KPNA1: variants seen among roughly 807,000 people sequenced by gnomAD.
KPNA1 encodes importin subunit alpha-5.
KPNA1 carries 10 observed loss-of-function variants against 70.5 expected under a neutral mutation model. That is an observed-to-expected ratio of 0.14 (90% CI 0.09 to 0.24). KPNA1 has a LOEUF of 0.24. KPNA1 is among the 10% of genes least tolerant of loss of function. The pLI, the probability that KPNA1 is intolerant of heterozygous loss-of-function variation, is 1.00. For missense variants in KPNA1, 397 were observed against 637.9 expected (o/e 0.62, Z 4.07); for synonymous variants, 192 against 221.9 (o/e 0.87, Z 1.20).
At chr3:122,512,503 C>T (rs1170492947) in intron 1 of KPNA1, among the ~76,000 whole-genome samples, 1 of 152,194 alleles carries the variant, frequency 6.6e-6, no homozygotes, top group Non-Finnish European at 1.5e-5. Flanking sequence ...GGGCGGATTG[C>T]GTGAGCTCAG....
intron 1 of KPNA1, among the ~76,000 whole-genome samples, chr3:122,497,752 C>T (rs185875628): frequency 6.6e-6 from 1 of 152,220 alleles, no homozygotes; most frequent in African/African-American, 2.4e-5. Flanking sequence ...TGCCTTAGCC[C>T]ATTTTTAAAT....
At chr3:122,441,785 G>A (rs1021317489) in intron 10 of KPNA1, among the ~76,000 whole-genome samples, 1 of 152,110 alleles carries the variant, frequency 6.6e-6, no homozygotes, top group Non-Finnish European at 1.5e-5. Context: ...ATTTTTAGTA[G>A]AGATGAGGTT....
At chr3:122,499,441 A>G (rs1050946798) in intron 1 of KPNA1, among the ~76,000 whole-genome samples, 1 of 149,950 alleles carries the variant, frequency 6.7e-6, no homozygotes, top group Non-Finnish European at 1.5e-5. Flanking sequence ...TCACAATGTG[A>G]TTTTTTTTTC....
At chr3:122,513,876 G>T (rs942350778) in intron 1 of KPNA1, among the ~76,000 whole-genome samples, 4 of 152,180 alleles carry the variant, frequency 2.6e-5, no homozygotes, top group African/African-American at 4.8e-5. Context: ...TACAGCCTGG[G>T]CAATATAGCG....
chr3:122,513,322 T>C (rs2076976691), intron 1 of KPNA1, among the ~76,000 whole-genome samples: 1 of 152,222 alleles, frequency 6.6e-6, no homozygotes, highest in Non-Finnish European at 1.5e-5. Flanking sequence ...TAAATGTTAA[T>C]TCCTTTACTT....
intron 1 of KPNA1, among the ~76,000 whole-genome samples, chr3:122,511,007 T>C (rs1005144781): frequency 6.6e-6 from 1 of 152,192 alleles, no homozygotes; most frequent in Non-Finnish European, 1.5e-5. Flanking sequence ...GTGAACACAG[T>C]ACAAACAGCC....
rs569309914 is a variant in KPNA1, at chr3:122,465,922, C to T, written c.237+1400G>A. Among the ~76,000 whole-genome samples the T allele has an allele frequency of 3.3e-5, 5 of 152,344 alleles. No individual in the cohort carries two copies. In the East Asian group the frequency reaches 9.6e-4, roughly 29 times the overall value. ...GCCCTACAGATTTCACACTTGCCAG[C>T]TCCCAAAGACACGAGCCACTTTCTT... On this transcript the variant is annotated intron_variant, in intron 3 of 13. Coordinates refer to ENST00000344337, the MANE Select transcript of KPNA1 (RefSeq NM_002264.4).
intron 1 of KPNA1, among the ~76,000 whole-genome samples, chr3:122,511,019 T>C (rs898847185): frequency 6.6e-6 from 1 of 152,176 alleles, no homozygotes; most frequent in Non-Finnish European, 1.5e-5. Flanking sequence ...CAAACAGCCC[T>C]ATTTGAATCC....
At chr3:122,457,711 T>C (rs2076279361) in intron 5 of KPNA1, 11 of 1,281,174 alleles carry the variant, frequency 8.6e-6, no homozygotes, top group Non-Finnish European at 1.1e-5. Flanking sequence ...AATCCAAAGC[T>C]GAAGTACTTC....
At chr3:122,428,250 T>C (rs1320635340) in intron 12 of KPNA1, among the ~76,000 whole-genome samples, 1 of 152,238 alleles carries the variant, frequency 6.6e-6, no homozygotes, top group Non-Finnish European at 1.5e-5. Context: ...AGATTAATCA[T>C]ACTTGAACTT....
intron 1 of KPNA1, among the ~76,000 whole-genome samples, chr3:122,506,693 T>C (rs1403466927): frequency 1.3e-5 from 2 of 152,210 alleles, no homozygotes; most frequent in Non-Finnish European, 2.9e-5. Context: ...AATAATCCAA[T>C]GGCAATACAT....
Position 122,433,784 on chromosome 3 carries a change from A to G in KPNA1, c.1127T>C (p.Val376Ala), listed in dbSNP as rs765590104. ...TAGNRAQIQT[V>A]IDANIFPALI... ...GGCTGGGAAAATGTTGGCATCTATC[A>G]CAGTCTAAAATTAAAGAAAAACTTA... Residue 376 changes from valine to alanine, a missense_variant, in exon 12 of 14, where the codon GTG becomes GCG. Coordinates refer to ENST00000344337, the MANE Select transcript of KPNA1 (RefSeq NM_002264.4). 14 of 1,593,364 alleles carry G rather than the reference A, an allele frequency of 8.8e-6. No individual in the cohort carries two copies. The East Asian group carries it at 3.1e-4, about 36-fold the overall frequency.
rs902676691 is a variant in KPNA1 at position 122,423,277 on chromosome 3, AAC to A, written c.*3706_*3707del. 1 of 152,212 alleles carries A rather than the reference AAC, an allele frequency of 6.6e-6. No individual in the cohort carries two copies. The highest frequency in any genetic ancestry group is 2.4e-5 in the African/African-American group (1 of 41,452). 9.4% of individuals were successfully genotyped at this position (152,212 alleles called of 1,614,324 possible). On this transcript the variant is annotated 3_prime_UTR_variant, in exon 14 of 14. Transcript: ENST00000344337. ...TATATACTTAATCTGTTCAGCTCAC[AAC>A]AGAGAGAAATGGTCATATTGAGATG...
chr3:122,423,636 GTTTA>G lies in KPNA1; in HGVS notation c.*3345_*3348del, dbSNP rs2075784445. On this transcript the variant is annotated 3_prime_UTR_variant, in exon 14 of 14. Transcript: ENST00000344337. ...AGTTGGGGGATTAAATCGCTGAAAT[GTTTA>G]TTTAGCACTAGAGAAGTAAATTCAA... 6.6e-6 allele frequency: 1 copy of G among 152,636 alleles called. No homozygotes were observed. 9.5% of individuals were successfully genotyped at this position (152,636 alleles called of 1,614,324 possible).
intron 4 of KPNA1, 43 bp downstream of exon 4, chr3:122,463,899 T>G: frequency 9.3e-7 from 1 of 1,079,128 alleles, no homozygotes; most frequent in Non-Finnish European, 1.4e-6. Flanking sequence ...AAAGTAATTT[T>G]GTAGAGAGAT....
intron 1 of KPNA1, among the ~76,000 whole-genome samples, chr3:122,503,928 T>C (rs530834566): frequency 1.3e-3 from 205 of 152,220 alleles, no homozygotes; most frequent in Non-Finnish European, 2.6e-3. Context: ...AAAAACCCAG[T>C]GGCTGCTGGG....
chr3:122,443,160 C>T (rs13321097), intron 9 of KPNA1: 18,162 of 152,496 alleles, frequency 0.12, 1,304 homozygotes, highest in East Asian at 0.32. Context: ...TCTCCCATGC[C>T]TGGCTCAGCG....
intron 10 of KPNA1, among the ~76,000 whole-genome samples, chr3:122,440,899 C>T (rs1057124433): frequency 6.6e-6 from 1 of 152,156 alleles, no homozygotes; most frequent in Non-Finnish European, 1.5e-5. Context: ...AATGAGTTCC[C>T]TTGTGTACAG....
In KPNA1 at chr3:122,453,763, C is replaced by T. The variant is rs944507198; in HGVS notation, c.564+107G>A. On this transcript the variant is annotated intron_variant, in intron 6 of 13. Coordinates refer to ENST00000344337, the MANE Select transcript of KPNA1 (RefSeq NM_002264.4). ...TGTTGGCTAGGCTGGTCTCGAACTC[C>T]TCGTGATCCACCCACCTTGGCCTCC... The T allele has an allele frequency of 3.7e-6, 4 of 1,071,756 alleles. No individual in the cohort carries two copies. The East Asian group carries it at 7.9e-5, about 21-fold the overall frequency. 66.4% of individuals were successfully genotyped at this position (1,071,756 alleles called of 1,614,324 possible). A position where few individuals can be genotyped will look rare whatever the true frequency, so the allele number is the denominator to read the frequency against.
Sources: allele counts gnomAD v4.1 joint callset (sites outside exome capture counted in the v4.1 genomes callset), GRCh38; gene constraint gnomAD v4.1.1; transcripts MANE v1.5; gene names NCBI Gene and HGNC (gene_info 2026-07-23, HGNC 2026-07-21).